The following PSMC3IP variants were observed in gnomAD, a reference collection of about 807,000 sequenced individuals.
PSMC3IP encodes homologous-pairing protein 2 homolog.
Under a neutral mutation model 34.9 loss-of-function variants are expected in PSMC3IP, and 26 were observed. The ratio of observed to expected loss-of-function variants is 0.74; its 90% CI spans 0.55 to 1.03. The LOEUF is 1.03. PSMC3IP is among the 50% of genes least tolerant of loss of function. PSMC3IP has a pLI of 0.00. For synonymous variants in PSMC3IP, 87 were observed against 96.5 expected (o/e 0.90, Z 0.57); for missense variants, 250 against 263.1 (o/e 0.95, Z 0.34).
intron 3 of PSMC3IP, 96 bp from the exon 4 acceptor site, chr17:42,574,306 C>G (rs1474730757): frequency 6.5e-7 from 1 of 1,545,384 alleles, no homozygotes; most frequent in Admixed American, 2.0e-5. Flanking sequence ...TGCTCAGGAA[C>G]CAGCCACACC....
chr17:42,572,342 C>T lies in PSMC3IP; in HGVS notation c.*626G>A, dbSNP rs1432823666. Reference sequence around the variant, plus strand: ...TGGAAATTTTTTATTTTTCTAAATACCAATGCAGTTTTGCTACGGTTACAA... The same window carrying T: ...TGGAAATTTTTTATTTTTCTAAATATCAATGCAGTTTTGCTACGGTTACAA... On this transcript the variant is annotated 3_prime_UTR_variant, in exon 8 of 8. Transcript: ENST00000393795. 2.2e-6 allele frequency: 1 copy of T among 454,282 alleles called. No homozygotes were observed. The highest frequency in any genetic ancestry group is 4.4e-6 in the Non-Finnish European group (1 of 226,704). The allele number at this position is 454,282 out of a possible 1,614,324, so 28.1% of individuals were successfully genotyped here.
In PSMC3IP at chr17:42,573,171, C is replaced by T. The variant is rs773833351; in HGVS notation, c.538-5G>A. 4 of 1,614,226 alleles carry T rather than the reference C, an allele frequency of 2.5e-6. No homozygotes were observed. The Admixed American group carries it at 5.0e-5, about 20-fold the overall frequency. ...TGCATCAGACAGCTCTGTAGCCTGA[C>T]AAGAAATAAAACCACCCGTTTTCAG... is the stretch of plus-strand genomic sequence containing the variant. On this transcript the variant is annotated splice_polypyrimidine_tract_variant and splice_region_variant and intron_variant, in intron 6 of 7. Coordinates refer to ENST00000393795, the MANE Select transcript of PSMC3IP (RefSeq NM_016556.4).
intron 3 of PSMC3IP, 61 bp from the exon 4 acceptor site, chr17:42,574,271 C>T (rs2093058502): frequency 1.3e-6 from 2 of 1,573,932 alleles, no homozygotes; most frequent in Non-Finnish European, 8.6e-7. Context: ...TGGGAACACA[C>T]ACCTGGGAAG....
rs763909093 is a variant in PSMC3IP, at chr17:42,572,621, G to GT, written c.*346dup. 1 of 448,078 alleles carries GT rather than the reference G, an allele frequency of 2.2e-6. No individual in the cohort carries two copies. Among genetic ancestry groups the GT allele is most frequent in the South Asian group, 1.6e-5 (1 of 62,510 alleles). 27.8% of individuals were successfully genotyped at this position (448,078 alleles called of 1,614,324 possible). On this transcript the variant is annotated 3_prime_UTR_variant, in exon 8 of 8. Transcript: ENST00000393795. ...CCAAATTCACTTCTGCCTTCCTCAG[G>GT]TTTGATATCTGGCAGGTTTGACTAT...
chr17:42,573,866 T>A lies in PSMC3IP; in HGVS notation c.337+233A>T, dbSNP rs1252369330. 2.0e-6 allele frequency: 3 copies of A among 1,531,728 alleles called. No individual in the cohort carries two copies. The South Asian group carries it at 3.6e-5, about 18-fold the overall frequency. The allele number at this position is 1,531,728 out of a possible 1,614,324, so 94.9% of individuals were successfully genotyped here. On this transcript the variant is annotated intron_variant, in intron 4 of 7. Coordinates refer to ENST00000393795, the MANE Select transcript of PSMC3IP (RefSeq NM_016556.4). Reference sequence around the variant, plus strand: ...AAAGAAGCAGGAATAAAGGGAAACGTGGGGACAGTGTACTGATAATCGTGG... The same window carrying A: ...AAAGAAGCAGGAATAAAGGGAAACGAGGGGACAGTGTACTGATAATCGTGG...
At chr17:42,573,715 T>C in intron 4 of PSMC3IP, 92 bp from the exon 5 acceptor site, 3 of 1,552,482 alleles carry the variant, frequency 1.9e-6, no homozygotes, top group Non-Finnish European at 2.6e-6. Flanking sequence ...TCCACCTTGC[T>C]CTGGATCTAT....
chr17:42,577,422 G>A, intron 2 of PSMC3IP, 39 bp downstream of exon 2: 1 of 1,611,692 alleles, frequency 6.2e-7, no homozygotes, highest in Non-Finnish European at 8.5e-7. Flanking sequence ...TGAATCCAGG[G>A]AGTCCGACGG....
intron 3 of PSMC3IP, 152 bp from the exon 4 acceptor site, chr17:42,574,362 G>C (rs1275287561): frequency 6.7e-7 from 1 of 1,484,234 alleles, no homozygotes. Context: ...GAGTACTTTT[G>C]AGAAATTGTT....
At chr17:42,576,075 A>G (rs893148188) in intron 3 of PSMC3IP, among the ~76,000 whole-genome samples, 5 of 152,156 alleles carry the variant, frequency 3.3e-5, no homozygotes, top group Non-Finnish European at 5.9e-5. Flanking sequence ...AAAAGAAACA[A>G]TTAGCTCGGA....
At position 42,577,271 on chromosome 17, in the gene PSMC3IP, T is replaced by TG; in HGVS notation, c.166dup (p.Gln56ProfsTer24). 2 of 1,614,122 alleles carry TG rather than the reference T, an allele frequency of 1.2e-6. No homozygotes were observed. Among genetic ancestry groups the TG allele is most frequent in the Non-Finnish European group, 1.7e-6 (2 of 1,180,026 alleles). ...CATCTTCTCTTTGATCTTGCCTTGT[T>TG]GCGCCAGCTGCTCCAGCGTCTTCAC... On this transcript the variant is annotated frameshift_variant, in exon 3 of 8. Coordinates refer to ENST00000393795, the MANE Select transcript of PSMC3IP (RefSeq NM_016556.4). LOFTEE classifies it high-confidence loss of function.
At position 42,572,991 on chromosome 17, in the gene PSMC3IP, T is replaced by C. The variant is rs1222100332; in HGVS notation, c.631A>G (p.Asn211Asp). ...EVGIETDEDY[N>D]VTLPDP is the part of the protein sequence containing the mutation. ...CCTCAGGGGTCTGGGAGTGTGACGT[T>C]GTAATCTTCATCCGTCTCTATCCCA... The change falls in exon 8 of 8, where the codon AAC becomes GAC. Residue 211 changes from asparagine to aspartate, a missense_variant. By Grantham distance (23) the Asn-to-Asp change is conservative. Coordinates refer to ENST00000393795, the MANE Select transcript of PSMC3IP (RefSeq NM_016556.4). 1.2e-6 allele frequency: 2 copies of C among 1,614,182 alleles called. No homozygotes were observed. The highest frequency in any genetic ancestry group is 2.2e-5 in the South Asian group (2 of 91,078).
chr17:42,577,673 C>A lies in PSMC3IP; in HGVS notation c.14G>T (p.Arg5Leu), dbSNP rs142919497. MSKGRAEAAAGAAGI... is the reference protein window; with the variant it reads MSKGLAEAAAGAAGI... ...GTTACCTCCCGCCGCAGCTTCTGCC[C>A]GGCCTTTACTCATCGCCTTTCCCGC... Residue 5 changes from arginine (R) to leucine (L), a missense_variant, in exon 1 of 8, where the codon CGG becomes CTG. Physicochemically the swap from Arg to Leu is moderately radical, Grantham distance 102. Coordinates refer to ENST00000393795, the MANE Select transcript of PSMC3IP (RefSeq NM_016556.4). 6.2e-7 allele frequency: 1 copy of A among 1,614,048 alleles called. No individual in the cohort carries two copies.
Position 42,572,976 on chromosome 17 carries a change from C to T in PSMC3IP, c.646G>A (p.Asp216Asn), listed in dbSNP as rs562670525. 241 of 1,614,198 alleles carry T rather than the reference C, an allele frequency of 1.5e-4. 3 individuals carry two copies. In the South Asian group the frequency reaches 2.5e-3, roughly 17 times the overall value. Residue 216 changes from aspartate (D) to asparagine (N), a missense_variant, in exon 8 of 8, where the codon GAC (aspartate) becomes AAC (asparagine). By Grantham distance (23) the Asp-to-Asn change is conservative. Transcript: ENST00000393795. The part of the protein sequence containing the change: ...TDEDYNVTLP[D>N]P Reference sequence around the variant, plus strand: ...TCCTGACCGTGGGCCCCTCAGGGGTCTGGGAGTGTGACGTTGTAATCTTCA... The same window carrying T: ...TCCTGACCGTGGGCCCCTCAGGGGTTTGGGAGTGTGACGTTGTAATCTTCA...
At chr17:42,577,428 G>C in intron 2 of PSMC3IP, 33 bp downstream of exon 2, 1 of 1,611,780 alleles carries the variant, frequency 6.2e-7, no homozygotes, top group East Asian at 2.2e-5. Context: ...CAGGGAGTCC[G>C]ACGGAGAGGG....
At chr17:42,573,436 C>A (rs1353030339) in intron 5 of PSMC3IP, 42 bp downstream of exon 5, 12 of 1,614,152 alleles carry the variant, frequency 7.4e-6, no homozygotes, top group African/African-American at 1.3e-5. Context: ...CCCTGATGTT[C>A]ACTCTGGACC....
intron 5 of PSMC3IP, 52 bp downstream of exon 5, chr17:42,573,425 GC>G (rs2093050354): frequency 1.9e-6 from 3 of 1,614,110 alleles, no homozygotes; most frequent in Non-Finnish European, 1.7e-6. Context: ...CTGGGGCTCA[GC>G]CCTGATGTTC....
In PSMC3IP at chr17:42,572,822, G is replaced by A; in HGVS notation, c.*146C>T. On this transcript the variant is annotated 3_prime_UTR_variant, in exon 8 of 8. Coordinates refer to ENST00000393795, the MANE Select transcript of PSMC3IP (RefSeq NM_016556.4). ...CCTCATCCTCTCTACCCAGTGCTCT[G>A]GTTTATGCTTGTCTCCTGACTGCTC... 1 of 960,770 alleles carries A rather than the reference G, an allele frequency of 1.0e-6. No homozygotes were observed. Among genetic ancestry groups the A allele is most frequent in the Non-Finnish European group, 1.6e-6 (1 of 612,648 alleles). 59.5% of individuals were successfully genotyped at this position (960,770 alleles called of 1,614,324 possible).
At chr17:42,575,824 C>T (rs1233247046) in intron 3 of PSMC3IP, among the ~76,000 whole-genome samples, 3 of 140,782 alleles carry the variant, frequency 2.1e-5, no homozygotes, top group East Asian at 2.0e-4. Flanking sequence ...CTGGCTAACA[C>T]GATGAAACCC....
chr17:42,572,382 C>A lies in PSMC3IP; in HGVS notation c.*586G>T. ...TACGGTTACAATTTTGAAATATTAACTGAGCCTCAAAATCACCCTTTCTGT... is the reference window on the plus strand; with the variant it reads ...TACGGTTACAATTTTGAAATATTAAATGAGCCTCAAAATCACCCTTTCTGT... On this transcript the variant is annotated 3_prime_UTR_variant, in exon 8 of 8. Transcript: ENST00000393795. The A allele has an allele frequency of 2.2e-6, 1 of 454,640 alleles. No homozygotes were observed. The highest frequency in any genetic ancestry group is 4.4e-6 in the Non-Finnish European group (1 of 226,774). 28.2% of individuals were successfully genotyped at this position (454,640 alleles called of 1,614,324 possible).
Sources: gnomAD v4.1 joint callset for allele counts (sites outside exome capture counted in the v4.1 genomes callset) on GRCh38, gnomAD v4.1.1 for gene constraint, MANE v1.5 for transcripts, NCBI Gene and HGNC (gene_info 2026-07-23, HGNC 2026-07-21) for gene names.